Variants in HMCN1 observed in about 807,000 individuals in gnomAD.
The protein encoded by HMCN1 is hemicentin-1.
HMCN1 carries 321 observed loss-of-function variants against 625.9 expected under a neutral mutation model. The observed-to-expected ratio is 0.51, with a 90% confidence interval of 0.47 to 0.56. The LOEUF is 0.56. HMCN1 is among the 20% of genes least tolerant of loss of function. The pLI, the probability that HMCN1 is intolerant of heterozygous loss-of-function variation, is 0.00. For missense variants in HMCN1, 6,588 were observed against 6,887.3 expected, an observed-to-expected ratio of 0.96 and a Z score of 1.54; for synonymous variants, 2,425 against 2,417.6, an observed-to-expected ratio of 1.00 and a Z score of -0.09.
In HMCN1 at chr1:185,879,344, AT is replaced by A. The variant is rs552569347; in HGVS notation, c.621+13489del. On this transcript the variant is annotated intron_variant, in intron 4 of 106. Transcript: ENST00000271588. ...CACCACCATGCCCAGCTAATTTTTG[AT>A]TTTTTTTGTAGAGAGGGGGTCTTTC... Among the ~76,000 whole-genome samples the A allele has an allele frequency of 7.7e-4, 116 of 151,432 alleles. 1 individual carries two copies. The highest frequency in any genetic ancestry group is 4.2e-4 in the South Asian group (2 of 4,802).
At chr1:185,823,045 A>G (rs1660288650) in intron 1 of HMCN1, among the ~76,000 whole-genome samples, 1 of 152,106 alleles carries the variant, frequency 6.6e-6, no homozygotes, top group Admixed American at 6.6e-5. Context: ...TTCAAATGAA[A>G]GTTATATGGG....
intron 53 of HMCN1, among the ~76,000 whole-genome samples, chr1:186,075,207 G>A (rs1658735967): frequency 6.6e-6 from 1 of 152,008 alleles, no homozygotes; most frequent in Admixed American, 6.6e-5. Flanking sequence ...GCATTTACAT[G>A]AAAGGCAGGA....
intron 57 of HMCN1, among the ~76,000 whole-genome samples, chr1:186,084,492 T>A (rs1044521278): frequency 6.6e-6 from 1 of 152,114 alleles, no homozygotes; most frequent in Non-Finnish European, 1.5e-5. Context: ...GGAAAATTCA[T>A]TTGAGGGGAA....
intron 29 of HMCN1, among the ~76,000 whole-genome samples, chr1:186,006,667 T>C (rs1275210312): frequency 6.6e-6 from 1 of 151,762 alleles, no homozygotes; most frequent in Non-Finnish European, 1.5e-5. Flanking sequence ...ATTCATGATA[T>C]TGTGAATACT....
chr1:186,017,820 A>G (rs899023404), intron 33 of HMCN1, among the ~76,000 whole-genome samples: 2 of 152,046 alleles, frequency 1.3e-5, no homozygotes, highest in South Asian at 4.2e-4. Context: ...GTATACATTT[A>G]TGGGTTACAT....
chr1:185,862,774 T>C (rs1260867424), intron 2 of HMCN1, among the ~76,000 whole-genome samples: 1 of 152,180 alleles, frequency 6.6e-6, no homozygotes, highest in East Asian at 1.9e-4. Flanking sequence ...GGGGAATCTA[T>C]GGCTGGTATA....
At chr1:186,069,403 G>C (rs1322504444) in intron 50 of HMCN1, among the ~76,000 whole-genome samples, 7 of 152,162 alleles carry the variant, frequency 4.6e-5, no homozygotes, top group African/African-American at 7.2e-5. Context: ...ATCTTAGCTA[G>C]AGTGGTATAC....
intron 1 of HMCN1, among the ~76,000 whole-genome samples, chr1:185,791,448 G>A (rs370936414): frequency 6.6e-6 from 1 of 152,122 alleles, no homozygotes; most frequent in Non-Finnish European, 1.5e-5. Context: ...GGCTGGGCAC[G>A]GCGGCTGACA....
chr1:186,164,795 T>C (rs940153509), intron 97 of HMCN1, among the ~76,000 whole-genome samples: 25 of 152,246 alleles, frequency 1.6e-4, no homozygotes, highest in Non-Finnish European at 1.3e-4. Flanking sequence ...AACAGGACTT[T>C]GCCCATGGTT....
chr1:186,039,788 G>C lies in HMCN1; in HGVS notation c.6089G>C (p.Arg2030Thr). Residue 2030 changes from arginine to threonine, a missense_variant, in exon 39 of 107, where the codon AGG (arginine) becomes ACG (threonine). This residue lies in a region of HMCN1 where 4,628 missense variants were observed against 4,853.1 expected (regional missense o/e 0.95). Coordinates refer to ENST00000271588, the MANE Select transcript of HMCN1 (RefSeq NM_031935.3). ...GCAGTGGTGGTTAATAACCCGGTGA[G>C]GTTAGAATGTGAAGCCAGAGGTATT... ...MVAVVVNNPV[R>T]LECEARGIPA... 6.2e-7 allele frequency: 1 copy of C among 1,613,444 alleles called. No individual in the cohort carries two copies. The highest frequency in any genetic ancestry group is 8.5e-7 in the Non-Finnish European group (1 of 1,179,588).
chr1:185,838,401 T>C (rs1157124562), intron 1 of HMCN1, among the ~76,000 whole-genome samples: 1 of 151,992 alleles, frequency 6.6e-6, no homozygotes. Context: ...TGGAGAGGGG[T>C]TTGCCACCTC....
At chr1:185,979,992 C>G (rs1334214987) in intron 16 of HMCN1, among the ~76,000 whole-genome samples, 1 of 152,102 alleles carries the variant, frequency 6.6e-6, no homozygotes, top group Non-Finnish European at 1.5e-5. Flanking sequence ...ACTATCCCCA[C>G]GCAACCTATA....
At chr1:185,759,642 T>C (rs143616344) in intron 1 of HMCN1, among the ~76,000 whole-genome samples, 551 of 152,324 alleles carry the variant, frequency 3.6e-3, no homozygotes, top group African/African-American at 0.012. Flanking sequence ...AATCATAAAA[T>C]ATGATTTATT....
chr1:185,986,457 G>C (rs979325823), intron 19 of HMCN1, among the ~76,000 whole-genome samples: 1 of 152,098 alleles, frequency 6.6e-6, no homozygotes, highest in Non-Finnish European at 1.5e-5. Context: ...TTCTCACTAT[G>C]TTAGGAACTT....
chr1:186,122,641 TAAAG>T (rs770057244), intron 80 of HMCN1, among the ~76,000 whole-genome samples: 2 of 152,234 alleles, frequency 1.3e-5, no homozygotes, highest in Non-Finnish European at 2.9e-5. Context: ...TTATGTAAGT[TAAAG>T]AAAATATTTT....
At chr1:185,938,605 C>T (rs911451903) in intron 11 of HMCN1, among the ~76,000 whole-genome samples, 1 of 152,058 alleles carries the variant, frequency 6.6e-6, no homozygotes, top group Non-Finnish European at 1.5e-5. Flanking sequence ...CCCAGTGGGA[C>T]TTGGACTCTT....
intron 4 of HMCN1, among the ~76,000 whole-genome samples, chr1:185,892,824 T>C (rs1003333138): frequency 6.6e-6 from 1 of 152,184 alleles, no homozygotes; most frequent in Non-Finnish European, 1.5e-5. Flanking sequence ...CTCCTTGAGC[T>C]GTGGTGGGCT....
chr1:185,977,250 A>C (rs1156633807), intron 15 of HMCN1, among the ~76,000 whole-genome samples: 1 of 152,140 alleles, frequency 6.6e-6, no homozygotes, highest in Non-Finnish European at 1.5e-5. Flanking sequence ...CTAATTCAAA[A>C]ATGTGAAAGG....
chr1:186,127,903 T>G (rs923073783), intron 82 of HMCN1, among the ~76,000 whole-genome samples, 175 bp from the exon 83 acceptor site: 1 of 152,208 alleles, frequency 6.6e-6, no homozygotes, highest in African/African-American at 2.4e-5. Flanking sequence ...TAAACTTCTA[T>G]ACATTTTAAA....
Sources: gnomAD v4.1 joint callset for allele counts (sites outside exome capture counted in the v4.1 genomes callset) on GRCh38, gnomAD v4.1.1 for gene constraint, gnomAD v4.1.1 regional missense constraint, MANE v1.5 for transcripts, NCBI Gene and HGNC (gene_info 2026-07-23, HGNC 2026-07-21) for gene names.